METTL15: variants seen among roughly 807,000 people sequenced by gnomAD.
The protein encoded by METTL15 is 12S rRNA N(4)-cytidine methyltransferase METTL15.
In METTL15, 34 loss-of-function variants were observed where a neutral mutation model predicts 38.3. The ratio of observed to expected loss-of-function variants is 0.89; its 90% CI spans 0.68 to 1.18. The LOEUF is 1.18. METTL15 is among the 50% of genes most tolerant of loss of function. METTL15 has a pLI of 0.00. For missense variants in METTL15, 438 were observed against 498.4 expected (o/e 0.88, Z 1.15); for synonymous variants, 162 against 170.9 (o/e 0.95, Z 0.41).
At chr11:28,138,115 G>GTT (rs1849575110) in intron 3 of METTL15, among the ~76,000 whole-genome samples, 1 of 125,648 alleles carries the variant, frequency 8.0e-6, no homozygotes, top group Non-Finnish European at 1.6e-5. Flanking sequence ...GAAAACAAGG[G>GTT]ATTTTTTTTT....
At chr11:28,236,335 G>A (rs1292306177) in intron 4 of METTL15, among the ~76,000 whole-genome samples, 1 of 152,162 alleles carries the variant, frequency 6.6e-6, no homozygotes, top group Non-Finnish European at 1.5e-5. Context: ...ATGAGTTAGG[G>A]AGGATTCCCT....
At chr11:28,164,196 TCACA>T (rs914142389) in intron 3 of METTL15, 2 of 152,036 alleles carry the variant, frequency 1.3e-5, no homozygotes, top group African/African-American at 4.8e-5. Flanking sequence ...ATGCAGAAGC[TCACA>T]CACGTAACGG....
intron 3 of METTL15, among the ~76,000 whole-genome samples, chr11:28,140,390 A>G (rs1849658858): frequency 6.6e-6 from 1 of 151,946 alleles, no homozygotes; most frequent in South Asian, 2.1e-4. Flanking sequence ...TTTTGGGGGT[A>G]CTCTCCAGCA....
At chr11:28,265,530 G>A (rs1158476164) in intron 4 of METTL15, among the ~76,000 whole-genome samples, 1 of 151,742 alleles carries the variant, frequency 6.6e-6, no homozygotes, top group Non-Finnish European at 1.5e-5. Flanking sequence ...ATCTGGATGA[G>A]CATCTTAATG....
intron 4 of METTL15, among the ~76,000 whole-genome samples, chr11:28,235,917 C>A (rs1452662044): frequency 6.6e-6 from 1 of 151,902 alleles, no homozygotes; most frequent in South Asian, 2.1e-4. Context: ...AGTTTTTGCC[C>A]ATTCAGTATG....
chr11:28,137,031 A>G (rs927687253), intron 3 of METTL15, among the ~76,000 whole-genome samples: 43 of 107,594 alleles, frequency 4.0e-4, no homozygotes, highest in African/African-American at 1.5e-3. Context: ...TTTTTGTTTT[A>G]GTGGAACTTT....
chr11:28,284,994 C>G (rs1290417609), intron 4 of METTL15, among the ~76,000 whole-genome samples: 1 of 152,052 alleles, frequency 6.6e-6, no homozygotes, highest in Non-Finnish European at 1.5e-5. Flanking sequence ...GGCGGTTTCC[C>G]CCATGCTGTT....
In METTL15 at chr11:28,276,624, A is replaced by T. The variant is rs373768637; in HGVS notation, c.408-13582A>T. 9.8e-5 allele frequency among the ~76,000 whole-genome samples: 15 copies of T among 152,336 alleles called. No individual in the cohort carries two copies. In the East Asian group the frequency reaches 1.5e-3, roughly 16 times the overall value. On this transcript the variant is annotated intron_variant, in intron 4 of 6. Coordinates refer to ENST00000407364, the MANE Select transcript of METTL15 (RefSeq NM_001113528.2). ...ATGTGGAACCAAAAAGAGCTTGAAT[A>T]GCCAAAGCAGTCTTGAGCAAAAGGA...
intron 3 of METTL15, among the ~76,000 whole-genome samples, chr11:28,151,692 C>T (rs771435586): frequency 1.2e-4 from 18 of 151,992 alleles, no homozygotes; most frequent in Non-Finnish European, 2.5e-4. Flanking sequence ...CCTGTTTCCT[C>T]TTTAAAACTA....
chr11:28,132,787 G>T (rs1849381823), intron 3 of METTL15, among the ~76,000 whole-genome samples: 1 of 152,086 alleles, frequency 6.6e-6, no homozygotes, highest in Non-Finnish European at 1.5e-5. Context: ...TGAAAAGTTT[G>T]TGAACACTGA....
intron 5 of METTL15, among the ~76,000 whole-genome samples, chr11:28,290,952 C>G (rs1423498007): frequency 6.6e-6 from 1 of 152,028 alleles, no homozygotes; most frequent in Non-Finnish European, 1.5e-5. Context: ...TTTACACCTC[C>G]TCTTCCTGGA....
At chr11:28,265,150 GACAAA>G (rs1341154962) in intron 4 of METTL15, among the ~76,000 whole-genome samples, 1 of 151,912 alleles carries the variant, frequency 6.6e-6, no homozygotes, top group Non-Finnish European at 1.5e-5. Context: ...AGAATACAAG[GACAAA>G]ACAACACATA....
chr11:28,166,956 TAAATA>T (rs1156685402), intron 3 of METTL15, among the ~76,000 whole-genome samples: 1 of 152,078 alleles, frequency 6.6e-6, no homozygotes, highest in Non-Finnish European at 1.5e-5. Context: ...CTCAAAAAAA[TAAATA>T]AAAATACTGA....
chr11:28,421,603 A>G (rs552218447), intron 5 of METTL15, among the ~76,000 whole-genome samples: 1 of 152,212 alleles, frequency 6.6e-6, no homozygotes, highest in South Asian at 2.1e-4. Flanking sequence ...AATGGAGGAC[A>G]AAATCCATAT....
At chr11:28,392,814 A>C (rs755980605) in intron 5 of METTL15, among the ~76,000 whole-genome samples, 1 of 152,136 alleles carries the variant, frequency 6.6e-6, no homozygotes, top group Non-Finnish European at 1.5e-5. Context: ...AAACAAAAAA[A>C]CAAATAACCA....
chr11:28,109,501 A>G lies in METTL15; in HGVS notation c.-253-665A>G, dbSNP rs534382872. Among the ~76,000 whole-genome samples the G allele has an allele frequency of 2.0e-4, 30 of 152,308 alleles. 1 individual carries two copies. The highest frequency in any genetic ancestry group is 5.1e-4 in the African/African-American group (21 of 41,554). On this transcript the variant is annotated intron_variant, in intron 1 of 6. Transcript: ENST00000407364. ...AATATTATTTTCATTTTTCTGAGAG[A>G]AAACTGAAGTTTTCAGAAAATTCCT...
At chr11:28,394,459 A>C (rs2133397056) in intron 5 of METTL15, among the ~76,000 whole-genome samples, 1 of 151,994 alleles carries the variant, frequency 6.6e-6, no homozygotes, top group East Asian at 1.9e-4. Context: ...TTGTTATTTC[A>C]CTCACACACT....
intron 4 of METTL15, among the ~76,000 whole-genome samples, chr11:28,212,338 A>G (rs1052061601): frequency 3.9e-5 from 6 of 152,074 alleles, no homozygotes; most frequent in African/African-American, 7.2e-5. Context: ...CATGGTACTA[A>G]TTTTTAATAT....
intron 4 of METTL15, among the ~76,000 whole-genome samples, chr11:28,360,769 T>A (rs1394833515): frequency 5.3e-5 from 8 of 151,422 alleles, no homozygotes; most frequent in African/African-American, 1.7e-4. Context: ...TAACTCGTCA[T>A]TTAGCATTAG....
Sources: allele counts gnomAD v4.1 joint callset (sites outside exome capture counted in the v4.1 genomes callset), GRCh38; gene constraint gnomAD v4.1.1; transcripts MANE v1.5; gene names NCBI Gene and HGNC (gene_info 2026-07-23, HGNC 2026-07-21).